MAP3K20: variants seen among roughly 807,000 people sequenced by gnomAD.
The protein encoded by MAP3K20 is mitogen-activated protein kinase kinase kinase 20.
A neutral mutation model predicts 85.7 loss-of-function variants in MAP3K20; 40 were observed. That is an observed-to-expected ratio of 0.47 (90% CI 0.36 to 0.61). The LOEUF (loss-of-function observed/expected upper bound fraction) is 0.61, where lower values mean the gene tolerates loss of function less well. Among genes scored for constraint, MAP3K20 ranks in the 20% least tolerant of loss-of-function variants. The pLI, the probability that MAP3K20 is intolerant of heterozygous loss-of-function variation, is 0.00. For missense variants in MAP3K20, 817 were observed against 961.7 expected (o/e 0.85, Z 1.99); for synonymous variants, 325 against 327.7 (o/e 0.99, Z 0.09).
chr2:173,258,049 A>G (rs921897817), intron 16 of MAP3K20, among the ~76,000 whole-genome samples: 5 of 152,220 alleles, frequency 3.3e-5, no homozygotes, highest in African/African-American at 1.2e-4. Flanking sequence ...AACTGGGCTC[A>G]TATTTCCACA....
intron 4 of MAP3K20, among the ~76,000 whole-genome samples, chr2:173,183,667 A>T (rs1012185316): frequency 1.3e-5 from 2 of 152,232 alleles, no homozygotes; most frequent in South Asian, 2.1e-4. Context: ...TGCTTTGGAA[A>T]CAACTTCATC....
At chr2:173,182,726 C>T in intron 3 of MAP3K20, 128 bp from the exon 4 acceptor site, 1 of 676,966 alleles carries the variant, frequency 1.5e-6, no homozygotes, top group Non-Finnish European at 2.2e-6. Flanking sequence ...CACCATGGAA[C>T]AATTTTTTAT....
intron 2 of MAP3K20, among the ~76,000 whole-genome samples, chr2:173,148,305 C>T (rs1039113526): frequency 6.6e-6 from 1 of 152,130 alleles, no homozygotes; most frequent in Non-Finnish European, 1.5e-5. Context: ...TTAGTATTCT[C>T]CCTTGCTCTT....
intron 11 of MAP3K20, chr2:173,223,860 A>G: frequency 1.0e-6 from 1 of 985,478 alleles, no homozygotes; most frequent in Non-Finnish European, 1.2e-6. Context: ...CTTGGAGTAG[A>G]GCAGAAGGGA....
intron 12 of MAP3K20, among the ~76,000 whole-genome samples, chr2:173,230,329 A>T (rs374822565): frequency 6.6e-6 from 1 of 152,158 alleles, no homozygotes; most frequent in Non-Finnish European, 1.5e-5. Flanking sequence ...AAAAAGTGAT[A>T]TTAAATCTTT....
chr2:173,088,954 A>G (rs189829372), intron 1 of MAP3K20, among the ~76,000 whole-genome samples: 98 of 152,338 alleles, frequency 6.4e-4, no homozygotes, highest in African/African-American at 1.8e-3. Flanking sequence ...GGATGAACAA[A>G]TAACCCTTCC....
In MAP3K20 at chr2:173,256,601, G is replaced by C. The variant is rs561975836; in HGVS notation, c.1360-2098G>C. Among the ~76,000 whole-genome samples the C allele has an allele frequency of 2.6e-5, 4 of 152,026 alleles. No homozygotes were observed. The South Asian group carries it at 8.3e-4, about 32-fold the overall frequency. On this transcript the variant is annotated intron_variant, in intron 16 of 19. Coordinates refer to ENST00000375213, the MANE Select transcript of MAP3K20 (RefSeq NM_016653.3). ...GGGGTCAAATTTGGTACAAAGACAT[G>C]AGTTTATTTTCCTTTGTTTATCCCC...
intron 11 of MAP3K20, chr2:173,225,062 A>G: frequency 2.0e-6 from 2 of 985,064 alleles, no homozygotes; most frequent in Non-Finnish European, 2.4e-6. Context: ...AGAGACATGC[A>G]ACTGAAAATG....
In MAP3K20 at chr2:173,258,176, C is replaced by T. The variant is rs192852457; in HGVS notation, c.1360-523C>T. On this transcript the variant is annotated intron_variant, in intron 16 of 19. Coordinates refer to ENST00000375213, the MANE Select transcript of MAP3K20 (RefSeq NM_016653.3). Reference sequence around the variant, plus strand: ...CTAGTTGTCCGTTATCATACATCATCACATTTGCACTGTTGTTTTCTTTCG... The same window carrying T: ...CTAGTTGTCCGTTATCATACATCATTACATTTGCACTGTTGTTTTCTTTCG... Among the ~76,000 whole-genome samples the T allele has an allele frequency of 1.2e-4, 18 of 152,320 alleles. No individual in the cohort carries two copies. The East Asian group carries it at 3.3e-3, about 28-fold the overall frequency.
chr2:173,216,861 A>G (rs1684087965), intron 10 of MAP3K20, among the ~76,000 whole-genome samples: 1 of 152,240 alleles, frequency 6.6e-6, no homozygotes, highest in Non-Finnish European at 1.5e-5. Context: ...GTACCAGGAC[A>G]CCAGCTCCAT....
intron 2 of MAP3K20, among the ~76,000 whole-genome samples, chr2:173,105,657 A>G (rs1158410790): frequency 6.6e-6 from 1 of 152,186 alleles, no homozygotes; most frequent in East Asian, 1.9e-4. Context: ...TAGGCCTAAC[A>G]CAAAAGGACC....
chr2:173,253,788 C>T (rs775360606), intron 16 of MAP3K20, among the ~76,000 whole-genome samples: 18 of 152,142 alleles, frequency 1.2e-4, no homozygotes, highest in Non-Finnish European at 2.4e-4. Flanking sequence ...TTTACCTGGG[C>T]CAGGTGCAGT....
chr2:173,263,899 A>C lies in MAP3K20; in HGVS notation c.1702+4A>C. On this transcript the variant is annotated splice_donor_region_variant and intron_variant, in intron 19 of 19. Coordinates refer to ENST00000375213, the MANE Select transcript of MAP3K20 (RefSeq NM_016653.3). ...CCTGGAAGCAGGTCCGACTCAAGTA[A>C]GTTAGTGTTCCCGTATTAGATGTGT... 1 of 1,604,966 alleles carries C rather than the reference A, an allele frequency of 6.2e-7. No homozygotes were observed. The highest frequency in any genetic ancestry group is 8.5e-7 in the Non-Finnish European group (1 of 1,177,560).
chr2:173,141,033 A>G (rs1480003887), intron 2 of MAP3K20, among the ~76,000 whole-genome samples: 3 of 152,232 alleles, frequency 2.0e-5, no homozygotes, highest in African/African-American at 7.2e-5. Context: ...ATGTATATAT[A>G]TCATAAAAAC....
chr2:173,100,529 G>T (rs1245488138), intron 2 of MAP3K20, among the ~76,000 whole-genome samples: 2 of 152,162 alleles, frequency 1.3e-5, no homozygotes, highest in Non-Finnish European at 2.9e-5. Flanking sequence ...AATGTATCTT[G>T]TATTGACATA....
intron 4 of MAP3K20, among the ~76,000 whole-genome samples, chr2:173,183,537 T>A (rs890860579): frequency 6.6e-6 from 1 of 152,188 alleles, no homozygotes; most frequent in African/African-American, 2.4e-5. Flanking sequence ...GTCTTTTTTC[T>A]CATACATTCT....
chr2:173,085,784 ATTTTTTTTTTTTTTTT>A (rs61431056), intron 1 of MAP3K20, among the ~76,000 whole-genome samples: 1 of 73,738 alleles, frequency 1.4e-5, no homozygotes, highest in African/African-American at 5.4e-5. Context: ...TGTAAAAGCA[ATTTTTTTTTTTTTTTT>A]TTTTTTTTTT....
At chr2:173,076,889 A>T (rs1394107480) in intron 1 of MAP3K20, among the ~76,000 whole-genome samples, 2 of 152,246 alleles carry the variant, frequency 1.3e-5, no homozygotes, top group Non-Finnish European at 2.9e-5. Flanking sequence ...GAAAACTTTA[A>T]TTCAGGACTG....
intron 2 of MAP3K20, among the ~76,000 whole-genome samples, chr2:173,109,996 G>A (rs1687896533): frequency 6.6e-6 from 1 of 151,368 alleles, no homozygotes; most frequent in Non-Finnish European, 1.5e-5. Context: ...AGTAGATTAG[G>A]CAACCTAGTT....
Sources: gnomAD v4.1 joint callset for allele counts (sites outside exome capture counted in the v4.1 genomes callset) on GRCh38, gnomAD v4.1.1 for gene constraint, MANE v1.5 for transcripts, NCBI Gene and HGNC (gene_info 2026-07-23, HGNC 2026-07-21) for gene names.